Variants in JAM3 observed in about 807,000 individuals in gnomAD.
JAM3 encodes junctional adhesion molecule 3.
JAM3 carries 31 observed loss-of-function variants against 39.4 expected under a neutral mutation model. That is an observed-to-expected ratio of 0.79 (90% CI 0.59 to 1.06). JAM3 has a LOEUF of 1.06. Among genes scored for constraint, JAM3 ranks in the 50% least tolerant of loss-of-function variants. The pLI, the probability that JAM3 is intolerant of heterozygous loss-of-function variation, is 0.00. For synonymous variants in JAM3, 182 were observed against 148.7 expected (o/e 1.22, Z -1.63); for missense variants, 455 against 391.4 (o/e 1.16, Z -1.37).
intron 1 of JAM3, among the ~76,000 whole-genome samples, chr11:134,074,588 A>G (rs1198608031): frequency 2.0e-5 from 3 of 152,144 alleles, no homozygotes; most frequent in Non-Finnish European, 4.4e-5. Flanking sequence ...TGGTGTCCTC[A>G]GCAAATGGTT....
intron 1 of JAM3, among the ~76,000 whole-genome samples, chr11:134,106,409 G>A (rs1373604674): frequency 3.3e-5 from 5 of 152,102 alleles, no homozygotes; most frequent in Admixed American, 6.5e-5. Context: ...AGAAAACCTA[G>A]GCAATACCAT....
chr11:134,074,310 TA>T (rs1186979197), intron 1 of JAM3, among the ~76,000 whole-genome samples: 1 of 152,240 alleles, frequency 6.6e-6, no homozygotes, highest in Non-Finnish European at 1.5e-5. Context: ...TTGATGAGGA[TA>T]TTTTTTGTGT....
intron 1 of JAM3, among the ~76,000 whole-genome samples, chr11:134,110,629 C>T (rs1043651500): frequency 1.3e-5 from 2 of 151,876 alleles, no homozygotes; most frequent in African/African-American, 4.8e-5. Flanking sequence ...TGCCTGGGGA[C>T]AGGGCAGATG....
intron 1 of JAM3, among the ~76,000 whole-genome samples, chr11:134,084,601 G>T (rs1482495891): frequency 6.6e-6 from 1 of 152,146 alleles, no homozygotes; most frequent in Admixed American, 6.6e-5. Flanking sequence ...TCAATAAGTG[G>T]GAGAGATTTG....
intron 1 of JAM3, among the ~76,000 whole-genome samples, chr11:134,125,078 G>A (rs886913896): frequency 6.6e-6 from 1 of 152,180 alleles, no homozygotes; most frequent in East Asian, 1.9e-4. Context: ...TGCAGCCGCC[G>A]CTGCCCTGTG....
intron 1 of JAM3, among the ~76,000 whole-genome samples, chr11:134,104,660 T>C (rs1186181969): frequency 6.6e-6 from 1 of 152,062 alleles, no homozygotes; most frequent in African/African-American, 2.4e-5. Flanking sequence ...CAATAAAAAA[T>C]GATAAAGGAG....
At chr11:134,143,942 G>C (rs1049261039) in intron 3 of JAM3, among the ~76,000 whole-genome samples, 1 of 152,094 alleles carries the variant, frequency 6.6e-6, no homozygotes, top group Non-Finnish European at 1.5e-5. Flanking sequence ...TTCTATTCAT[G>C]GGCGGTCCTT....
At chr11:134,145,916 C>T (rs377681822) in intron 5 of JAM3, 30 bp from the exon 6 acceptor site, 97 of 1,502,956 alleles carry the variant, frequency 6.5e-5, no homozygotes, top group Non-Finnish European at 7.0e-5. Flanking sequence ...ATGATGGGTC[C>T]GATTATTTAC....
intron 1 of JAM3, among the ~76,000 whole-genome samples, chr11:134,134,275 C>G (rs1025394117): frequency 4.6e-5 from 7 of 151,380 alleles, no homozygotes; most frequent in Non-Finnish European, 8.8e-5. Context: ...AATGATAATA[C>G]CAGAAACAGA....
intron 1 of JAM3, among the ~76,000 whole-genome samples, chr11:134,116,216 G>T (rs1189376541): frequency 6.6e-6 from 1 of 152,166 alleles, no homozygotes; most frequent in Non-Finnish European, 1.5e-5. Context: ...CGGTGGATAA[G>T]ATGTTATGAG....
rs117280057 is a variant in JAM3, at chr11:134,125,287, C to T, written c.77-14564C>T. ...GAAGAGATGGCTGTGTTGAAGATGACGGTGCCAGCTGCACATCATGTCAGA... is the reference window on the plus strand; with the variant it reads ...GAAGAGATGGCTGTGTTGAAGATGATGGTGCCAGCTGCACATCATGTCAGA... On this transcript the variant is annotated intron_variant, in intron 1 of 8. Transcript: ENST00000299106. Among the ~76,000 whole-genome samples, 1,492 of 152,328 alleles carry T rather than the reference C, an allele frequency of 9.8e-3. 17 individuals carry two copies. The highest frequency in any genetic ancestry group is 0.017 in the Non-Finnish European group (1,128 of 68,026).
At chr11:134,143,118 A>T (rs1943005345) in intron 3 of JAM3, among the ~76,000 whole-genome samples, 1 of 152,194 alleles carries the variant, frequency 6.6e-6, no homozygotes, top group Non-Finnish European at 1.5e-5. Flanking sequence ...GACCAAGAGT[A>T]CAACTGCTGA....
intron 1 of JAM3, among the ~76,000 whole-genome samples, chr11:134,137,550 G>A (rs1207238940): frequency 3.9e-5 from 6 of 152,208 alleles, no homozygotes; most frequent in African/African-American, 1.4e-4. Context: ...TTGGGCCAGA[G>A]CTGATCTCTG....
chr11:134,075,014 G>A (rs1941543142), intron 1 of JAM3, among the ~76,000 whole-genome samples: 1 of 150,424 alleles, frequency 6.6e-6, no homozygotes, highest in African/African-American at 2.4e-5. Context: ...TTTGGCAGGG[G>A]TGGGGCATGT....
chr11:134,096,468 A>G (rs1941985845), intron 1 of JAM3, among the ~76,000 whole-genome samples: 2 of 152,172 alleles, frequency 1.3e-5, no homozygotes, highest in African/African-American at 4.8e-5. Flanking sequence ...CTTTCACTTT[A>G]TCGTACTTCA....
Position 134,127,601 on chromosome 11 carries a change from C to T in JAM3, c.77-12250C>T, listed in dbSNP as rs1237209852. ...TGTAGTCCCAGCTACTCTGGAGGCTCAGGCAGGAGGATCACTTGAGCCCCG... is the reference window on the plus strand; with the variant it reads ...TGTAGTCCCAGCTACTCTGGAGGCTTAGGCAGGAGGATCACTTGAGCCCCG... On this transcript the variant is annotated intron_variant, in intron 1 of 8. Coordinates refer to ENST00000299106, the MANE Select transcript of JAM3 (RefSeq NM_032801.5). 3.3e-5 allele frequency among the ~76,000 whole-genome samples: 5 copies of T among 152,134 alleles called. No homozygotes were observed. In the South Asian group the frequency reaches 8.3e-4, roughly 25 times the overall value.
intron 3 of JAM3, among the ~76,000 whole-genome samples, chr11:134,142,229 C>T (rs907126651): frequency 1.3e-5 from 2 of 152,158 alleles, no homozygotes; most frequent in South Asian, 2.1e-4. Flanking sequence ...GTTTCCCGCA[C>T]AGAATGCCGG....
intron 1 of JAM3, among the ~76,000 whole-genome samples, chr11:134,085,503 T>TA (rs764410634): frequency 1.3e-4 from 20 of 152,220 alleles, no homozygotes; most frequent in Non-Finnish European, 2.2e-4. Flanking sequence ...TTAAAATTTG[T>TA]AATATTTTTG....
At chr11:134,102,006 A>G (rs970843285) in intron 1 of JAM3, among the ~76,000 whole-genome samples, 1 of 152,174 alleles carries the variant, frequency 6.6e-6, no homozygotes, top group Non-Finnish European at 1.5e-5. Context: ...GGGAGTTGTG[A>G]TCATGCCACT....
Sources: gnomAD v4.1 joint callset for allele counts (sites outside exome capture counted in the v4.1 genomes callset) on GRCh38, gnomAD v4.1.1 for gene constraint, MANE v1.5 for transcripts, NCBI Gene and HGNC (gene_info 2026-07-23, HGNC 2026-07-21) for gene names.